Variants in TPD52 observed in about 807,000 individuals in gnomAD.
The protein encoded by TPD52 is prostate and colon associated protein.
TPD52 carries 17 observed loss-of-function variants against 31.3 expected under a neutral mutation model. The ratio of observed to expected loss-of-function variants is 0.54; its 90% CI spans 0.37 to 0.82. The LOEUF (loss-of-function observed/expected upper bound fraction) is 0.82, where lower values mean the gene tolerates loss of function less well. Among genes scored for constraint, TPD52 ranks in the 40% least tolerant of loss-of-function variants. The probability of loss-of-function intolerance (pLI) is 0.00; values close to 1 mark genes in which losing one functional copy is unlikely to be tolerated. For synonymous variants in TPD52, 83 were observed against 89.6 expected, an observed-to-expected ratio of 0.93 and a Z score of 0.42; for missense variants, 212 against 240.1, an observed-to-expected ratio of 0.88 and a Z score of 0.77.
intron 1 of TPD52, among the ~76,000 whole-genome samples, chr8:80,069,836 T>C (rs529324214): frequency 6.7e-4 from 102 of 152,236 alleles, no homozygotes; most frequent in Non-Finnish European, 1.1e-3. Flanking sequence ...TGGAAATGTG[T>C]GTGTGCGAGT....
At position 80,075,043 on chromosome 8, in the gene TPD52, G is replaced by A. The variant is rs112592038; in HGVS notation, c.20-10450C>T. ...TCACCAGGCTGGAGTGCAGTGGCGC[G>A]ATCTTGGCTCACTACAATCTCTGCC... On this transcript the variant is annotated intron_variant, in intron 1 of 7. Coordinates refer to ENST00000518937, the MANE Select transcript of TPD52 (RefSeq NM_001025253.3). Among the ~76,000 whole-genome samples the A allele has an allele frequency of 2.3e-3, 356 of 152,038 alleles. 3 individuals carry two copies. Among genetic ancestry groups the A allele is most frequent in the African/African-American group, 8.3e-3 (343 of 41,450 alleles).
At chr8:80,115,292 A>G (rs1309377849) in intron 1 of TPD52, among the ~76,000 whole-genome samples, 2 of 152,182 alleles carry the variant, frequency 1.3e-5, no homozygotes, top group Admixed American at 1.3e-4. Flanking sequence ...TGAATAAAAA[A>G]CAGTGACCTG....
At chr8:80,034,390 G>A (rs1003521258), downstream of TPD52, among the ~76,000 whole-genome samples, 6 of 151,950 alleles carry the variant, frequency 3.9e-5, no homozygotes, top group African/African-American at 1.5e-4. Flanking sequence ...ACCTATTGCC[G>A]GCCCCTGCCA....
rs192506476 is a variant in TPD52, at chr8:80,106,816, C to T, written c.20-42223G>A. On this transcript the variant is annotated intron_variant, in intron 1 of 7. Transcript: ENST00000518937. ...AGACCCAATTTGGTTCATATATAAA[C>T]CACAAAAAGCAAAAAAAAACCCCAA... Among the ~76,000 whole-genome samples, 1,109 of 141,108 alleles carry T rather than the reference C, an allele frequency of 7.9e-3. 11 individuals carry two copies. The highest frequency in any genetic ancestry group is 0.029 in the African/African-American group (1,028 of 35,262). 92.6% of individuals were successfully genotyped at this position (141,108 alleles called of 152,430 possible). A position where few individuals can be genotyped will look rare whatever the true frequency, so the allele number is the denominator to read the frequency against.
intron 5 of TPD52, among the ~76,000 whole-genome samples, chr8:80,048,552 T>G (rs1811087102): frequency 6.6e-6 from 1 of 152,216 alleles, no homozygotes; most frequent in South Asian, 2.1e-4. Context: ...ATTGTAACAC[T>G]CAAATCTACA....
intron 1 of TPD52, among the ~76,000 whole-genome samples, chr8:80,154,247 GC>G (rs886390141): frequency 9.8e-5 from 15 of 152,358 alleles, no homozygotes; most frequent in Middle Eastern, 3.4e-3. Context: ...GAAGCAACGG[GC>G]CCTGTTGTCC....
chr8:80,109,804 CTG>C lies in TPD52; in HGVS notation c.20-45213_20-45212del. ...TGTTATTAGACTGCAGCCCTATTAACTGTTTTCAAGTTTTATTATCTACCTGT... is the reference window on the plus strand; with the variant it reads ...TGTTATTAGACTGCAGCCCTATTAACTTTTCAAGTTTTATTATCTACCTGT... On this transcript the variant is annotated intron_variant, in intron 1 of 7. Coordinates refer to ENST00000518937, the MANE Select transcript of TPD52 (RefSeq NM_001025253.3). 1.3e-5 allele frequency among the ~76,000 whole-genome samples: 2 copies of C among 152,308 alleles called. 1 individual carries two copies.
chr8:80,084,211 C>T (rs1815554703), intron 1 of TPD52, among the ~76,000 whole-genome samples: 1 of 152,188 alleles, frequency 6.6e-6, no homozygotes, highest in Non-Finnish European at 1.5e-5. Flanking sequence ...AGGAATTTCA[C>T]CTCACCTGCT....
In TPD52 at chr8:80,090,212, C is replaced by T. The variant is rs538699920; in HGVS notation, c.20-25619G>A. Among the ~76,000 whole-genome samples, 11 of 152,016 alleles carry T rather than the reference C, an allele frequency of 7.2e-5. No individual in the cohort carries two copies. The South Asian group carries it at 8.3e-4, about 12-fold the overall frequency. On this transcript the variant is annotated intron_variant, in intron 1 of 7. Coordinates refer to ENST00000518937, the MANE Select transcript of TPD52 (RefSeq NM_001025253.3). ...TTCAAGGCCAGCATGGGCAACAAAG[C>T]GAGGCCCTGGCTCTACAAAAAAAAT...
intron 1 of TPD52, among the ~76,000 whole-genome samples, chr8:80,159,563 A>G (rs1166053355): frequency 2.0e-5 from 3 of 152,194 alleles, no homozygotes; most frequent in South Asian, 4.1e-4. Flanking sequence ...TGTGCCCCTG[A>G]AAAAGTTATT....
intron 1 of TPD52, among the ~76,000 whole-genome samples, chr8:80,069,168 A>C (rs1813478110): frequency 1.3e-5 from 2 of 152,224 alleles, no homozygotes; most frequent in African/African-American, 4.8e-5. Context: ...AACTTCAATA[A>C]ATGTAAAAAT....
chr8:80,158,913 CAGCCTGGGCGACAG>C (rs1279825116), intron 1 of TPD52: 2 of 133,154 alleles, frequency 1.5e-5, no homozygotes, highest in African/African-American at 5.9e-5. Context: ...CACTGCACTC[CAGCCTGGGCGACAG>C]AGCGAGACTC....
intron 1 of TPD52, among the ~76,000 whole-genome samples, chr8:80,088,391 A>G (rs1011342812): frequency 1.3e-5 from 2 of 152,226 alleles, no homozygotes; most frequent in African/African-American, 2.4e-5. Flanking sequence ...TAATCCCTCA[A>G]TAACACGAGG....
intron 1 of TPD52, among the ~76,000 whole-genome samples, chr8:80,134,584 GGGAGTAAA>G (rs943404869): frequency 6.6e-6 from 1 of 152,234 alleles, no homozygotes; most frequent in South Asian, 2.1e-4. Flanking sequence ...CACTTGTGAA[GGGAGTAAA>G]GGAGTATCCT....
chr8:80,072,355 GTATATACA>G lies in TPD52; in HGVS notation c.20-7770_20-7763del, dbSNP rs1482955631. Reference sequence around the variant, plus strand: ...TGTGTGTGTGTGTGTGTGTATGTGTGTATATACATGTACACATAGATATGCGTGTATAT... The same window carrying G: ...TGTGTGTGTGTGTGTGTGTATGTGTGTGTACACATAGATATGCGTGTATAT... On this transcript the variant is annotated intron_variant, in intron 1 of 7. Coordinates refer to ENST00000518937, the MANE Select transcript of TPD52 (RefSeq NM_001025253.3). Among the ~76,000 whole-genome samples, 108 of 150,910 alleles carry G rather than the reference GTATATACA, an allele frequency of 7.2e-4. 6 individuals are homozygous for G. Among genetic ancestry groups the G allele is most frequent in the African/African-American group, 1.9e-3 (78 of 40,704 alleles).
At chr8:80,082,377 C>T (rs1027738474) in intron 1 of TPD52, among the ~76,000 whole-genome samples, 9 of 152,114 alleles carry the variant, frequency 5.9e-5, no homozygotes, top group African/African-American at 1.2e-4. Flanking sequence ...TGGCCCTCTC[C>T]ATAACTCTGC....
intron 1 of TPD52, among the ~76,000 whole-genome samples, chr8:80,076,911 C>T (rs910356997): frequency 2.6e-5 from 4 of 152,152 alleles, no homozygotes; most frequent in African/African-American, 9.6e-5. Context: ...AAGTGATCTG[C>T]CCGCCTCAGA....
At chr8:80,056,907 G>A (rs182313360) in intron 2 of TPD52, among the ~76,000 whole-genome samples, 1,559 of 152,232 alleles carry the variant, frequency 0.01, 12 homozygotes, top group Non-Finnish European at 0.017. Flanking sequence ...AATGGCTCAC[G>A]GCTGTAATCC....
At position 80,040,184 on chromosome 8, in the gene TPD52, C is replaced by CTTT. The variant is rs1563557956; in HGVS notation, c.505-1950_505-1949insAAA. Among the ~76,000 whole-genome samples, 147 of 132,382 alleles carry CTTT rather than the reference C, an allele frequency of 1.1e-3. 4 individuals are homozygous for CTTT. The highest frequency in any genetic ancestry group is 4.3e-3 in the African/African-American group (138 of 32,390). The allele number at this position is 132,382 out of a possible 152,430, so 86.8% of individuals were successfully genotyped here. A position where few individuals can be genotyped will look rare whatever the true frequency, so the allele number is the denominator to read the frequency against. ...TTGGGGTATCTGTTTAATACGCTAT[C>CTTT]CTTTTTTTTTTTTTTTTTTTTTTTT... On this transcript the variant is annotated intron_variant, in intron 7 of 7. Coordinates refer to ENST00000518937, the MANE Select transcript of TPD52 (RefSeq NM_001025253.3).
Sources: allele counts gnomAD v4.1 joint callset (sites outside exome capture counted in the v4.1 genomes callset), GRCh38; gene constraint gnomAD v4.1.1; transcripts MANE v1.5; gene names NCBI Gene and HGNC (gene_info 2026-07-23, HGNC 2026-07-21).